Variants in TENM2 observed in about 807,000 individuals in gnomAD.
TENM2 encodes teneurin transmembrane protein 2, also known as teneurin-2.
In TENM2, 52 loss-of-function variants were observed where a neutral mutation model predicts 245.2. That is an observed-to-expected ratio of 0.21 (90% CI 0.17 to 0.27). The LOEUF (loss-of-function observed/expected upper bound fraction) is 0.27, where lower values mean the gene tolerates loss of function less well. Ranked by LOEUF, TENM2 falls within the 10% of genes least tolerant of loss-of-function variation. The pLI is 1.00. For missense variants in TENM2, 3,046 were observed against 3,666.8 expected, an observed-to-expected ratio of 0.83 and a Z score of 4.37; for synonymous variants, 1,363 against 1,438.9, an observed-to-expected ratio of 0.95 and a Z score of 1.19.
chr5:168,007,515 A>G (rs1462013710), intron 5 of TENM2, among the ~76,000 whole-genome samples: 2 of 152,182 alleles, frequency 1.3e-5, no homozygotes, highest in Non-Finnish European at 2.9e-5. Flanking sequence ...TTGGCGACCA[A>G]GGAGACTATG....
intron 2 of TENM2, among the ~76,000 whole-genome samples, chr5:167,429,474 AG>A (rs1349182593): frequency 6.6e-6 from 1 of 152,166 alleles, no homozygotes; most frequent in Non-Finnish European, 1.5e-5. Context: ...ATTTGGAAGT[AG>A]GGGGAGCCTG....
intron 4 of TENM2, among the ~76,000 whole-genome samples, chr5:167,963,281 G>A (rs944934792): frequency 6.6e-6 from 1 of 152,114 alleles, no homozygotes; most frequent in African/African-American, 2.4e-5. Flanking sequence ...TTTCCATATA[G>A]TCTTAGCAAT....
Position 168,244,395 on chromosome 5 carries a change from A to G in TENM2, c.5521-25A>G. 1 of 1,488,672 alleles carries G rather than the reference A, an allele frequency of 6.7e-7. No individual in the cohort carries two copies. The highest frequency in any genetic ancestry group is 1.4e-5 in the African/African-American group (1 of 71,656). 92.2% of individuals were successfully genotyped at this position (1,488,672 alleles called of 1,614,324 possible). On this transcript the variant is annotated intron_variant, in intron 25 of 28. Transcript: ENST00000518659. This position sits in a 1 kb window ranked among gnomAD's most constrained non-coding sequence, Gnocchi z 4.9. ...CGGCATGCCTGGGTGATGTCTTTCA[A>G]ACAAGGCCTGTTGTGTTTTCCTAGG... is the stretch of plus-strand genomic sequence containing the variant.
chr5:167,862,601 G>A (rs974599498), intron 2 of TENM2, among the ~76,000 whole-genome samples: 2 of 152,094 alleles, frequency 1.3e-5, no homozygotes, highest in African/African-American at 4.8e-5. Flanking sequence ...TTTTTCTTAT[G>A]TCTTCAGCTG....
At chr5:167,422,685 C>T (rs1763582482) in intron 2 of TENM2, among the ~76,000 whole-genome samples, 1 of 152,068 alleles carries the variant, frequency 6.6e-6, no homozygotes, top group African/African-American at 2.4e-5. Context: ...ATGTCTATTT[C>T]CAAAAGAAAA....
intron 12 of TENM2, among the ~76,000 whole-genome samples, chr5:168,131,295 G>A (rs1314043421): frequency 1.3e-5 from 2 of 152,140 alleles, no homozygotes; most frequent in African/African-American, 4.8e-5. Context: ...AGGCTGCAAT[G>A]GTTATTTCAA....
At chr5:167,374,493 C>T (rs539074159) in intron 1 of TENM2, among the ~76,000 whole-genome samples, 1 of 152,100 alleles carries the variant, frequency 6.6e-6, no homozygotes, top group Non-Finnish European at 1.5e-5. Context: ...ATGAGGCACA[C>T]AATCACCCTG....
At chr5:167,237,060 C>G in the TENM2 span, among the ~76,000 whole-genome samples, 1 of 152,024 alleles carries the variant, frequency 6.6e-6, no homozygotes, top group Admixed American at 6.6e-5. Context: ...TCTTGCAATT[C>G]CTGGGGATTT....
At chr5:167,166,998 A>G in the TENM2 span, among the ~76,000 whole-genome samples, 1 of 152,186 alleles carries the variant, frequency 6.6e-6, no homozygotes, top group East Asian at 1.9e-4. Context: ...TATAATTGGC[A>G]AGACCAAACC....
chr5:167,934,854 G>C lies in TENM2; in HGVS notation c.713-17734G>C, dbSNP rs867733257. 166 of 985,560 alleles carry C rather than the reference G, an allele frequency of 1.7e-4. No individual in the cohort carries two copies. The Middle Eastern group carries it at 3.7e-3, about 22-fold the overall frequency. The allele number at this position is 985,560 out of a possible 1,614,324, so 61.1% of individuals were successfully genotyped here. ...AGCTAGCAAAGACCAGTGCAACGGA[G>C]GAGGCTTAGCTTAGTACGCGTTCGG... On this transcript the variant is annotated intron_variant, in intron 3 of 28. Coordinates refer to ENST00000518659, the Ensembl canonical transcript of TENM2.
intron 20 of TENM2, among the ~76,000 whole-genome samples, chr5:168,212,293 A>C (rs572743936): frequency 6.6e-6 from 1 of 152,292 alleles, no homozygotes; most frequent in South Asian, 2.1e-4. Flanking sequence ...AGTTTGAAGG[A>C]TGGAGACCAA....
chr5:167,918,010 A>G (rs1052040008), intron 3 of TENM2, among the ~76,000 whole-genome samples: 1 of 152,218 alleles, frequency 6.6e-6, no homozygotes, highest in African/African-American at 2.4e-5. Flanking sequence ...AAAGACAACA[A>G]TAACAACAAT....
At chr5:167,877,397 CA>C (rs1207627603) in intron 3 of TENM2, among the ~76,000 whole-genome samples, 4 of 151,874 alleles carry the variant, frequency 2.6e-5, no homozygotes, top group Non-Finnish European at 2.9e-5. Flanking sequence ...TATTCTTTTT[CA>C]AAAAAAATTA....
chr5:168,184,928 A>C (rs1033162434), intron 13 of TENM2, among the ~76,000 whole-genome samples: 1 of 152,240 alleles, frequency 6.6e-6, no homozygotes, highest in African/African-American at 2.4e-5. Flanking sequence ...CCTTGTGCCA[A>C]TGGTAAACAG....
chr5:167,283,405 C>T (rs952316587), upstream of TENM2, among the ~76,000 whole-genome samples: 1 of 152,130 alleles, frequency 6.6e-6, no homozygotes, highest in Admixed American at 6.5e-5. Context: ...ATATTTGATA[C>T]AGTGTACACG....
At chr5:167,551,630 A>T (rs112640123) in intron 2 of TENM2, among the ~76,000 whole-genome samples, 15 of 152,176 alleles carry the variant, frequency 9.9e-5, no homozygotes, top group African/African-American at 2.9e-4. Flanking sequence ...ACATACACGC[A>T]CACACACAAA....
At chr5:167,603,768 A>G (rs1776820746) in intron 2 of TENM2, among the ~76,000 whole-genome samples, 1 of 152,236 alleles carries the variant, frequency 6.6e-6, no homozygotes, top group South Asian at 2.1e-4. Context: ...ATCAGTGATG[A>G]AGTTGAGGAG....
At chr5:167,692,737 A>G (rs1284270577) in intron 2 of TENM2, among the ~76,000 whole-genome samples, 1 of 152,220 alleles carries the variant, frequency 6.6e-6, no homozygotes, top group Non-Finnish European at 1.5e-5. Context: ...TTCCCAAGAA[A>G]AAGATAGATC....
chr5:167,131,071 A>C, the TENM2 span, among the ~76,000 whole-genome samples: 1 of 152,040 alleles, frequency 6.6e-6, no homozygotes, highest in Non-Finnish European at 1.5e-5. Context: ...CCTGTCACCA[A>C]ATTTCTGTTG....
Sources: allele counts gnomAD v4.1 joint callset (sites outside exome capture counted in the v4.1 genomes callset), GRCh38; gene constraint gnomAD v4.1.1; non-coding constraint Gnocchi (gnomAD v3.1); transcripts MANE v1.5; gene names NCBI Gene and HGNC (gene_info 2026-07-23, HGNC 2026-07-21).